The following PLPPR5 variants were observed in gnomAD, a reference collection of about 807,000 sequenced individuals.
The protein encoded by PLPPR5 is phospholipid phosphatase-related protein type 5.
PLPPR5 carries 16 observed loss-of-function variants against 33.9 expected under a neutral mutation model. The ratio of observed to expected loss-of-function variants is 0.47; its 90% CI spans 0.32 to 0.72. The LOEUF (loss-of-function observed/expected upper bound fraction) is 0.72, where lower values mean the gene tolerates loss of function less well. Among genes scored for constraint, PLPPR5 ranks in the 30% least tolerant of loss-of-function variants. The pLI, the probability that PLPPR5 is intolerant of heterozygous loss-of-function variation, is 0.03. For missense variants in PLPPR5, 301 were observed against 406.7 expected (o/e 0.74, Z 2.23); for synonymous variants, 163 against 150.3 (o/e 1.08, Z -0.62).
intron 4 of PLPPR5, 110 bp downstream of exon 4, chr1:98,921,772 G>T: frequency 1.2e-6 from 1 of 821,630 alleles, no homozygotes; most frequent in South Asian, 1.9e-5. Flanking sequence ...TGAATGATTT[G>T]TTTGATATAC....
intron 3 of PLPPR5, among the ~76,000 whole-genome samples, chr1:98,934,671 C>A (rs2101182082): frequency 6.6e-6 from 1 of 152,238 alleles, no homozygotes; most frequent in Non-Finnish European, 1.5e-5. Flanking sequence ...GAGCACAAAT[C>A]ACAGAAATAA....
intron 5 of PLPPR5, among the ~76,000 whole-genome samples, chr1:98,898,169 T>C (rs1648552265): frequency 2.6e-5 from 4 of 152,270 alleles, no homozygotes; most frequent in African/African-American, 9.6e-5. Context: ...TTATACTCCA[T>C]GTTTTGCTGC....
At chr1:98,991,569 T>C (rs1426102577) in intron 1 of PLPPR5, among the ~76,000 whole-genome samples, 1 of 152,184 alleles carries the variant, frequency 6.6e-6, no homozygotes, top group African/African-American at 2.4e-5. Context: ...ATGTCCATGT[T>C]ATATGAAGTT....
intron 3 of PLPPR5, among the ~76,000 whole-genome samples, chr1:98,933,500 A>AG (rs5776443): frequency 7.8e-4 from 118 of 151,304 alleles, no homozygotes; most frequent in Non-Finnish European, 9.1e-4. Flanking sequence ...AAAAAAAAAA[A>AG]GGATTTCAGA....
intron 1 of PLPPR5, among the ~76,000 whole-genome samples, chr1:98,961,697 C>A (rs1651256798): frequency 6.6e-6 from 1 of 152,144 alleles, no homozygotes; most frequent in South Asian, 2.1e-4. Flanking sequence ...ATATGTCTGT[C>A]CTTATGGCTA....
intron 1 of PLPPR5, among the ~76,000 whole-genome samples, chr1:98,995,597 G>T (rs763777949): frequency 6.6e-6 from 1 of 151,930 alleles, no homozygotes; most frequent in Admixed American, 6.6e-5. Context: ...ATTCTTAATG[G>T]ATTTAGAGTC....
intron 1 of PLPPR5, among the ~76,000 whole-genome samples, chr1:98,974,741 G>C (rs867848670): frequency 1.3e-5 from 2 of 152,020 alleles, no homozygotes; most frequent in South Asian, 2.1e-4. Flanking sequence ...TGTATATTCT[G>C]GCCTATATTT....
intron 5 of PLPPR5, among the ~76,000 whole-genome samples, chr1:98,897,950 G>C (rs1299429302): frequency 1.3e-5 from 2 of 151,808 alleles, no homozygotes; most frequent in Non-Finnish European, 2.9e-5. Context: ...AGCTAAAAAG[G>C]AAAGTTAAAA....
At chr1:98,956,971 T>G (rs1651032441) in intron 1 of PLPPR5, among the ~76,000 whole-genome samples, 1 of 151,888 alleles carries the variant, frequency 6.6e-6, no homozygotes, top group Non-Finnish European at 1.5e-5. Flanking sequence ...ATTAAGAAAA[T>G]GTGGCACATA....
In PLPPR5 at chr1:98,901,977, T is replaced by C. The variant is rs1411257637; in HGVS notation, c.934-8873A>G. Among the ~76,000 whole-genome samples the C allele has an allele frequency of 2.6e-5, 4 of 152,162 alleles. No homozygotes were observed. The East Asian group carries it at 7.7e-4, about 29-fold the overall frequency. Reference sequence around the variant, plus strand: ...ATATCATGCAGCACAGTGATTATGATTTGGAGCTCTAAAGTGACAAATATG... The same window carrying C: ...ATATCATGCAGCACAGTGATTATGACTTGGAGCTCTAAAGTGACAAATATG... On this transcript the variant is annotated intron_variant, in intron 5 of 5. Transcript: ENST00000263177.
intron 1 of PLPPR5, among the ~76,000 whole-genome samples, chr1:98,966,703 G>A (rs1240216078): frequency 6.6e-6 from 1 of 152,152 alleles, no homozygotes. Context: ...CTGAACCTTT[G>A]AGTTAAGATT....
intron 1 of PLPPR5, among the ~76,000 whole-genome samples, chr1:98,963,077 C>A (rs987141303): frequency 1.3e-5 from 2 of 152,228 alleles, no homozygotes; most frequent in Non-Finnish European, 2.9e-5. Context: ...ACATAGCCTT[C>A]AGACACTCTG....
intron 1 of PLPPR5, among the ~76,000 whole-genome samples, chr1:98,995,204 G>A (rs1443588938): frequency 6.6e-6 from 1 of 152,016 alleles, no homozygotes; most frequent in Non-Finnish European, 1.5e-5. Context: ...ATATGCACAT[G>A]TATGTTCATC....
chr1:98,914,231 T>C (rs1649256694), intron 5 of PLPPR5, among the ~76,000 whole-genome samples: 1 of 152,170 alleles, frequency 6.6e-6, no homozygotes. Context: ...TACAGCAAAG[T>C]ACTAAATGGA....
At chr1:98,912,242 A>G (rs765201502) in intron 5 of PLPPR5, among the ~76,000 whole-genome samples, 3 of 152,208 alleles carry the variant, frequency 2.0e-5, no homozygotes, top group Non-Finnish European at 4.4e-5. Context: ...TTTCTTAACC[A>G]TTTGGAAGTT....
chr1:98,905,068 C>T (rs900219491), intron 5 of PLPPR5, among the ~76,000 whole-genome samples: 14 of 152,256 alleles, frequency 9.2e-5, no homozygotes, highest in African/African-American at 3.1e-4. Context: ...ATAGCCTTTC[C>T]GATTCTTTTG....
chr1:98,910,772 C>A (rs891641544), intron 5 of PLPPR5, among the ~76,000 whole-genome samples: 1 of 152,026 alleles, frequency 6.6e-6, no homozygotes, highest in South Asian at 2.1e-4. Flanking sequence ...TTTAAACATG[C>A]CACTTCACCT....
At chr1:99,001,667 TAA>T (rs1393438170) in intron 1 of PLPPR5, among the ~76,000 whole-genome samples, 169 of 104,188 alleles carry the variant, frequency 1.6e-3, no homozygotes, top group African/African-American at 6.1e-3. Flanking sequence ...GTTTGAAAGT[TAA>T]AGATATATAT....
chr1:98,997,475 C>T (rs1652672888), intron 1 of PLPPR5, among the ~76,000 whole-genome samples: 1 of 152,098 alleles, frequency 6.6e-6, no homozygotes, highest in African/African-American at 2.4e-5. Flanking sequence ...GCTATGCTCC[C>T]TAGAAACATT....
Sources: allele counts gnomAD v4.1 joint callset (sites outside exome capture counted in the v4.1 genomes callset), GRCh38; gene constraint gnomAD v4.1.1; transcripts MANE v1.5; gene names NCBI Gene and HGNC (gene_info 2026-07-23, HGNC 2026-07-21).